SLC9A2: variants seen among roughly 807,000 people sequenced by gnomAD.
SLC9A2 encodes sodium/hydrogen exchanger 2.
Under a neutral mutation model 71.7 loss-of-function variants are expected in SLC9A2, and 42 were observed. That is an observed-to-expected ratio of 0.59 (90% CI 0.46 to 0.76). SLC9A2 has a LOEUF of 0.76. Ranked by LOEUF, SLC9A2 falls within the 30% of genes least tolerant of loss-of-function variation. The pLI is 0.00. For synonymous variants in SLC9A2, 396 were observed against 392.5 expected (o/e 1.01, Z -0.10); for missense variants, 829 against 1,017.4 (o/e 0.81, Z 2.52).
chr2:102,684,358 C>T (rs369154330), intron 5 of SLC9A2, 22 bp downstream of exon 5: 2 of 1,594,026 alleles, frequency 1.3e-6, no homozygotes, highest in Non-Finnish European at 8.6e-7. Flanking sequence ...GATCCCTTTA[C>T]CAGGAGGGTA....
chr2:102,705,983 T>C (rs200097130), intron 11 of SLC9A2, 47 bp downstream of exon 11: 1 of 1,196,088 alleles, frequency 8.4e-7, no homozygotes, highest in Admixed American at 2.2e-5. Flanking sequence ...TATTTGCCAA[T>C]GTTTATAAAC....
chr2:102,685,720 C>A (rs1342842336), intron 5 of SLC9A2, among the ~76,000 whole-genome samples: 1 of 142,240 alleles, frequency 7.0e-6, no homozygotes, highest in African/African-American at 2.7e-5. Context: ...GAAGTCTGTG[C>A]ATGGCAGAGG....
At chr2:102,624,064 T>C (rs1389485626) in intron 1 of SLC9A2, among the ~76,000 whole-genome samples, 1 of 152,146 alleles carries the variant, frequency 6.6e-6, no homozygotes, top group Middle Eastern at 3.2e-3. Flanking sequence ...ACATCCTAAT[T>C]ACTTGGTCCA....
intron 11 of SLC9A2, among the ~76,000 whole-genome samples, chr2:102,706,325 C>CA (rs1321449192): frequency 0.034 from 87 of 2,542 alleles, 7 homozygotes; most frequent in Middle Eastern, 0.33. Context: ...GACTCCGTCT[C>CA]AAAAAAAAAA....
rs1215982351 is a variant in SLC9A2, at chr2:102,709,650, T to A, written c.*1161T>A. On this transcript the variant is annotated 3_prime_UTR_variant, in exon 12 of 12. Coordinates refer to ENST00000233969, the MANE Select transcript of SLC9A2 (RefSeq NM_003048.6). ...TAATTTGTTACCTCTCCCCATTCGA[T>A]AATATAGTAACTCAGAATTTTCATA... 2.0e-5 allele frequency: 3 copies of A among 152,770 alleles called. No individual in the cohort carries two copies. Among genetic ancestry groups the A allele is most frequent in the Non-Finnish European group, 2.9e-5 (2 of 68,020 alleles). The allele number at this position is 152,770 out of a possible 1,614,324, so 9.5% of individuals were successfully genotyped here. A position where few individuals can be genotyped will look rare whatever the true frequency, so the allele number is the denominator to read the frequency against.
chr2:102,642,069 G>T (rs1024436926), intron 1 of SLC9A2, among the ~76,000 whole-genome samples: 5 of 145,636 alleles, frequency 3.4e-5, no homozygotes, highest in African/African-American at 7.8e-5. Flanking sequence ...TAATAATAAA[G>T]AAATACTTGT....
At position 102,710,596 on chromosome 2, in the gene SLC9A2, T is replaced by G. The variant is rs1194827823; in HGVS notation, c.*2107T>G. ...GTATAAAGGAAAACTTAAATCTTAA[T>G]TATTATCAGTTTAAATTTTTTTTGT... On this transcript the variant is annotated 3_prime_UTR_variant, in exon 12 of 12. Transcript: ENST00000233969. 1 of 152,240 alleles carries G rather than the reference T, an allele frequency of 6.6e-6. No homozygotes were observed. The highest frequency in any genetic ancestry group is 1.5e-5 in the Non-Finnish European group (1 of 68,040). 9.4% of individuals were successfully genotyped at this position (152,240 alleles called of 1,614,324 possible).
intron 3 of SLC9A2, among the ~76,000 whole-genome samples, chr2:102,680,477 C>G (rs6726894): frequency 0.32 from 49,012 of 151,874 alleles, 8,550 homozygotes; most frequent in East Asian, 0.48. Context: ...GGCTGTTCTC[C>G]CAGTTCCTAT....
chr2:102,696,744 A>G (rs1040384715), intron 7 of SLC9A2, among the ~76,000 whole-genome samples: 2 of 152,214 alleles, frequency 1.3e-5, no homozygotes, highest in Non-Finnish European at 2.9e-5. Flanking sequence ...CTTACCATAT[A>G]ATGAAAGGAA....
At chr2:102,630,491 T>C (rs922248017) in intron 1 of SLC9A2, among the ~76,000 whole-genome samples, 2 of 152,048 alleles carry the variant, frequency 1.3e-5, no homozygotes, top group African/African-American at 4.8e-5. Context: ...GTTTTTTAAA[T>C]TGTTTTTGAT....
At chr2:102,663,612 C>T (rs1023768645) in intron 2 of SLC9A2, among the ~76,000 whole-genome samples, 8 of 152,188 alleles carry the variant, frequency 5.3e-5, no homozygotes, top group African/African-American at 1.7e-4. Flanking sequence ...GGTCAGGAGA[C>T]TTGGATGCTA....
chr2:102,697,578 G>C (rs993852828), intron 7 of SLC9A2: 12 of 148,504 alleles, frequency 8.1e-5, no homozygotes, highest in Admixed American at 3.3e-4. Context: ...AAATTTCAAA[G>C]TTTCAGCACC....
At chr2:102,666,850 A>G (rs1262952275) in intron 3 of SLC9A2, among the ~76,000 whole-genome samples, 1 of 152,180 alleles carries the variant, frequency 6.6e-6, no homozygotes. Context: ...ACAGCTCCAT[A>G]TGCACTAGGC....
At chr2:102,638,736 T>G (rs1004591879) in intron 1 of SLC9A2, among the ~76,000 whole-genome samples, 3 of 152,262 alleles carry the variant, frequency 2.0e-5, no homozygotes, top group Non-Finnish European at 4.4e-5. Flanking sequence ...GGCTTATGCC[T>G]GTAATCCCAA....
chr2:102,663,214 A>G (rs1044824988), intron 2 of SLC9A2, among the ~76,000 whole-genome samples: 2 of 152,138 alleles, frequency 1.3e-5, no homozygotes, highest in Non-Finnish European at 2.9e-5. Context: ...TTAAGTTTTC[A>G]GGAGAATGAG....
chr2:102,688,005 C>T (rs1041421519), intron 5 of SLC9A2, among the ~76,000 whole-genome samples: 1 of 152,074 alleles, frequency 6.6e-6, no homozygotes, highest in African/African-American at 2.4e-5. Flanking sequence ...GTCTTGAATT[C>T]CTGGCCTCAA....
chr2:102,704,536 C>A lies in SLC9A2; in HGVS notation c.1846-8C>A. The stretch of plus-strand genomic sequence containing the variant: ...TTTTTTAATGTCCTCTATATGTTTT[C>A]ATTCCAGACTTTATCCTACAACAGA... On this transcript the variant is annotated splice_region_variant and splice_polypyrimidine_tract_variant and intron_variant, in intron 9 of 11. Coordinates refer to ENST00000233969, the MANE Select transcript of SLC9A2 (RefSeq NM_003048.6). 6.2e-7 allele frequency: 1 copy of A among 1,610,854 alleles called. No individual in the cohort carries two copies. The highest frequency in any genetic ancestry group is 8.5e-7 in the Non-Finnish European group (1 of 1,177,924).
At chr2:102,707,362 C>G (rs538930187) in intron 11 of SLC9A2, among the ~76,000 whole-genome samples, 1 of 139,480 alleles carries the variant, frequency 7.2e-6, no homozygotes, top group African/African-American at 2.7e-5. Flanking sequence ...TAAATGATGG[C>G]TGGTGGTAAA....
chr2:102,709,422 A>G lies in SLC9A2; in HGVS notation c.*933A>G, dbSNP rs1368387888. ...GGAGGCAGGTGATCTATGCTGATCT[A>G]TGATCACCTGCTTCAGTAGAATTTT... On this transcript the variant is annotated 3_prime_UTR_variant, in exon 12 of 12. Coordinates refer to ENST00000233969, the MANE Select transcript of SLC9A2 (RefSeq NM_003048.6). The G allele has an allele frequency of 6.5e-6, 1 of 152,678 alleles. No individual in the cohort carries two copies. The highest frequency in any genetic ancestry group is 1.5e-5 in the Non-Finnish European group (1 of 68,036). The allele number at this position is 152,678 out of a possible 1,614,324, so 9.5% of individuals were successfully genotyped here. A position where few individuals can be genotyped will look rare whatever the true frequency, so the allele number is the denominator to read the frequency against.
Sources: gnomAD v4.1 joint callset for allele counts (sites outside exome capture counted in the v4.1 genomes callset) on GRCh38, gnomAD v4.1.1 for gene constraint, MANE v1.5 for transcripts, NCBI Gene and HGNC (gene_info 2026-07-23, HGNC 2026-07-21) for gene names.